Variants in SPEF2 observed in about 807,000 individuals in gnomAD.
SPEF2 encodes sperm flagellar and cilia associated 2.
Under a neutral mutation model 224.6 loss-of-function variants are expected in SPEF2, and 187 were observed. The ratio of observed to expected loss-of-function variants is 0.83; its 90% CI spans 0.74 to 0.94. SPEF2 has a LOEUF of 0.94. Ranked by LOEUF, SPEF2 falls within the 40% of genes least tolerant of loss-of-function variation. SPEF2 has a pLI of 0.00. For missense variants in SPEF2, 2,170 were observed against 2,135.6 expected (o/e 1.02, Z -0.32); for synonymous variants, 715 against 707.3 (o/e 1.01, Z -0.17).
At chr5:35,689,244 T>C (rs1028337414) in intron 10 of SPEF2, among the ~76,000 whole-genome samples, 1 of 152,212 alleles carries the variant, frequency 6.6e-6, no homozygotes, top group Non-Finnish European at 1.5e-5. Context: ...TAGAATATCA[T>C]TTATTACCAT....
At chr5:35,690,544 A>G (rs565152334) in intron 10 of SPEF2, among the ~76,000 whole-genome samples, 2 of 152,292 alleles carry the variant, frequency 1.3e-5, no homozygotes, top group East Asian at 1.9e-4. Flanking sequence ...TGTGATCCAT[A>G]TAGTGTTTTT....
chr5:35,669,206 C>T (rs971348166), intron 9 of SPEF2, among the ~76,000 whole-genome samples: 18 of 152,044 alleles, frequency 1.2e-4, no homozygotes, highest in East Asian at 5.8e-4. Context: ...CTTAGCATAA[C>T]GTCTTCAAGG....
chr5:35,704,549 C>T lies in SPEF2; in HGVS notation c.2399-5C>T, dbSNP rs1405584444. On this transcript the variant is annotated splice_polypyrimidine_tract_variant and splice_region_variant and intron_variant, in intron 16 of 36. Coordinates refer to ENST00000356031, the MANE Select transcript of SPEF2 (RefSeq NM_024867.4). The stretch of plus-strand genomic sequence containing the variant: ...TTATCTAATTAAATAAATTTTATAC[C>T]ATAGCTGAAGAATTGTCCTATAAAA... The T allele has an allele frequency of 6.3e-7, 1 of 1,587,698 alleles. No individual in the cohort carries two copies. The highest frequency in any genetic ancestry group is 8.6e-7 in the Non-Finnish European group (1 of 1,165,702).
At position 35,692,418 on chromosome 5, in the gene SPEF2, ACAAAC is replaced by A. The variant is rs535305620; in HGVS notation, c.1745-146_1745-142del. ...AGAGCGAGACTCCGTCTCAAACAAA[ACAAAC>A]CAAACAAAACAAAAAAGAAACTTGA... On this transcript the variant is annotated intron_variant, in intron 11 of 36. Coordinates refer to ENST00000356031, the MANE Select transcript of SPEF2 (RefSeq NM_024867.4). 4.6e-5 allele frequency: 29 copies of A among 632,950 alleles called. 2 individuals carry two copies. In the South Asian group the frequency reaches 7.5e-4, roughly 16 times the overall value. 39.2% of individuals were successfully genotyped at this position (632,950 alleles called of 1,614,324 possible). A position where few individuals can be genotyped will look rare whatever the true frequency, so the allele number is the denominator to read the frequency against.
intron 2 of SPEF2, among the ~76,000 whole-genome samples, chr5:35,638,557 A>T (rs12188514): frequency 0.28 from 41,925 of 150,584 alleles, 7,272 homozygotes; most frequent in East Asian, 0.51. Flanking sequence ...CCTTCTCTAA[A>T]CTCTTCTTTT....
intron 2 of SPEF2, among the ~76,000 whole-genome samples, chr5:35,638,339 A>G (rs562299986): frequency 8.0e-4 from 122 of 152,004 alleles, no homozygotes; most frequent in African/African-American, 2.7e-3. Context: ...TCTCAAGGTC[A>G]TGGCTTATAA....
At chr5:35,773,776 C>T (rs576517578) in intron 27 of SPEF2, 117 bp from the exon 28 acceptor site, 148 of 1,199,050 alleles carry the variant, frequency 1.2e-4, no homozygotes, top group Non-Finnish European at 1.5e-4. Flanking sequence ...TCATTGTTTC[C>T]GAATCACTAG....
intron 20 of SPEF2, among the ~76,000 whole-genome samples, chr5:35,726,124 A>T (rs1383705894): frequency 6.6e-6 from 1 of 152,234 alleles, no homozygotes; most frequent in Non-Finnish European, 1.5e-5. Context: ...ATTTTTATTC[A>T]TTCAAATATT....
chr5:35,699,022 C>T (rs1428973067), intron 15 of SPEF2: 2 of 152,182 alleles, frequency 1.3e-5, no homozygotes, highest in African/African-American at 2.4e-5. Flanking sequence ...TCTTTTCCTG[C>T]TCTTAATAAC....
At chr5:35,789,066 T>C (rs1444694324) in intron 30 of SPEF2, 8 of 681,286 alleles carry the variant, frequency 1.2e-5, no homozygotes, top group Admixed American at 2.2e-5. Flanking sequence ...TATTTTGCTT[T>C]TTCAGAATCA....
intron 26 of SPEF2, among the ~76,000 whole-genome samples, chr5:35,767,959 G>A (rs1042007738): frequency 4.0e-5 from 6 of 151,830 alleles, no homozygotes; most frequent in Non-Finnish European, 8.8e-5. Flanking sequence ...CTAGCCATCT[G>A]TAATTGTGTG....
At chr5:35,752,477 A>G (rs944453186) in intron 23 of SPEF2, among the ~76,000 whole-genome samples, 1 of 151,666 alleles carries the variant, frequency 6.6e-6, no homozygotes, top group African/African-American at 2.4e-5. Flanking sequence ...TTAATTTTTT[A>G]TAGAAATGGG....
intron 3 of SPEF2, among the ~76,000 whole-genome samples, chr5:35,642,643 C>T (rs1494583): frequency 6.6e-6 from 1 of 152,052 alleles, no homozygotes; most frequent in Non-Finnish European, 1.5e-5. Context: ...CAATTCTCTC[C>T]AGTTTTTATG....
intron 34 of SPEF2, among the ~76,000 whole-genome samples, chr5:35,803,192 G>A (rs1021985022): frequency 6.6e-6 from 1 of 152,194 alleles, no homozygotes; most frequent in Non-Finnish European, 1.5e-5. Flanking sequence ...GACATTGCAG[G>A]CAGGCAGAGG....
At position 35,727,839 on chromosome 5, in the gene SPEF2, A is replaced by T. The variant is rs1001401234; in HGVS notation, c.3063+16A>T. 2.5e-6 allele frequency: 4 copies of T among 1,604,822 alleles called. No homozygotes were observed. Among genetic ancestry groups the T allele is most frequent in the Non-Finnish European group, 3.4e-6 (4 of 1,176,664 alleles). On this transcript the variant is annotated intron_variant, in intron 21 of 36. Coordinates refer to ENST00000356031, the MANE Select transcript of SPEF2 (RefSeq NM_024867.4). ...AGTTCCTGAGGTATGGCCATTTAGA[A>T]TCAAGCTGGCAGAATTCATTCTTTC...
chr5:35,639,842 C>G (rs1161413784), intron 2 of SPEF2, among the ~76,000 whole-genome samples: 1 of 151,920 alleles, frequency 6.6e-6, no homozygotes, highest in Non-Finnish European at 1.5e-5. Flanking sequence ...CTCATATGCT[C>G]TGTCTCCAGA....
At chr5:35,678,241 T>C (rs1056043048) in intron 10 of SPEF2, among the ~76,000 whole-genome samples, 2 of 152,240 alleles carry the variant, frequency 1.3e-5, no homozygotes, top group African/African-American at 4.8e-5. Context: ...AAAGACATTA[T>C]TGAATCAGGT....
At chr5:35,701,462 G>A (rs970647148) in intron 16 of SPEF2, among the ~76,000 whole-genome samples, 1 of 152,110 alleles carries the variant, frequency 6.6e-6, no homozygotes, top group African/African-American at 2.4e-5. Flanking sequence ...ACAGAATCTG[G>A]CACATGATAA....
intron 2 of SPEF2, 26 bp from the exon 3 acceptor site, chr5:35,641,405 A>C: frequency 6.3e-7 from 1 of 1,589,058 alleles, no homozygotes; most frequent in East Asian, 2.2e-5. Context: ...CTAATGTCTA[A>C]TTATGTAAAA....
Sources: allele counts gnomAD v4.1 joint callset (sites outside exome capture counted in the v4.1 genomes callset), GRCh38; gene constraint gnomAD v4.1.1; transcripts MANE v1.5; gene names NCBI Gene and HGNC (gene_info 2026-07-23, HGNC 2026-07-21).